Variants in LRMDA observed in about 807,000 individuals in gnomAD.
LRMDA encodes leucine rich melanocyte differentiation associated.
Under a neutral mutation model 29.8 loss-of-function variants are expected in LRMDA, and 18 were observed. That is an observed-to-expected ratio of 0.60 (90% CI 0.42 to 0.90). LRMDA has a LOEUF of 0.90. Among genes scored for constraint, LRMDA ranks in the 40% least tolerant of loss-of-function variants. The pLI is 0.00. For missense variants in LRMDA, 273 were observed against 273.9 expected (o/e 1.00, Z 0.02); for synonymous variants, 125 against 109.4 (o/e 1.14, Z -0.89).
chr10:76,228,706 A>T (rs1017383966), intron 5 of LRMDA, among the ~76,000 whole-genome samples: 6 of 152,174 alleles, frequency 3.9e-5, no homozygotes, highest in Non-Finnish European at 8.8e-5. Context: ...TCAAAAGGCC[A>T]ACCTACAATA....
chr10:76,045,488 TC>T (rs1197329183), intron 3 of LRMDA, among the ~76,000 whole-genome samples: 1 of 151,932 alleles, frequency 6.6e-6, no homozygotes, highest in East Asian at 1.9e-4. Context: ...CTAGTTTCCC[TC>T]TCTTGCTAGT....
At chr10:75,986,895 TATC>T (rs1188159417) in intron 2 of LRMDA, among the ~76,000 whole-genome samples, 1 of 152,032 alleles carries the variant, frequency 6.6e-6, no homozygotes, top group African/African-American at 2.4e-5. Context: ...ACTTTACTGG[TATC>T]ATCATCTACT....
chr10:76,353,363 A>T (rs948767857), intron 6 of LRMDA, among the ~76,000 whole-genome samples: 14 of 125,366 alleles, frequency 1.1e-4, no homozygotes, highest in East Asian at 8.1e-4. Context: ...TGTGTGTGTG[A>T]GATAGATTGA....
At chr10:76,517,829 A>G (rs1249409555) in intron 6 of LRMDA, among the ~76,000 whole-genome samples, 3 of 151,754 alleles carry the variant, frequency 2.0e-5, no homozygotes, top group African/African-American at 4.8e-5. Context: ...TAAGATATTA[A>G]TATAAGATTT....
intron 5 of LRMDA, among the ~76,000 whole-genome samples, chr10:76,126,368 A>G (rs1489940685): frequency 1.3e-5 from 2 of 152,138 alleles, no homozygotes; most frequent in Admixed American, 6.5e-5. Flanking sequence ...GCATATATCA[A>G]TCTTAGGGTT....
At chr10:76,116,800 A>G (rs2132119813) in intron 5 of LRMDA, among the ~76,000 whole-genome samples, 1 of 152,262 alleles carries the variant, frequency 6.6e-6, no homozygotes, top group African/African-American at 2.4e-5. Flanking sequence ...ATTGAGTTTC[A>G]TCTGGTGAGC....
chr10:75,832,670 C>T (rs780322259), intron 2 of LRMDA, among the ~76,000 whole-genome samples: 10 of 152,096 alleles, frequency 6.6e-5, no homozygotes, highest in Non-Finnish European at 1.3e-4. Flanking sequence ...GACTGGGCAA[C>T]GTACAAAAGA....
At chr10:75,909,312 T>G (rs1338991188) in intron 2 of LRMDA, among the ~76,000 whole-genome samples, 2 of 152,286 alleles carry the variant, frequency 1.3e-5, no homozygotes, top group East Asian at 3.9e-4. Flanking sequence ...AATGAAATCA[T>G]ATGTGGGATC....
At chr10:76,279,733 G>A (rs1274836089) in intron 5 of LRMDA, among the ~76,000 whole-genome samples, 1 of 151,966 alleles carries the variant, frequency 6.6e-6, no homozygotes, top group Admixed American at 6.6e-5. Context: ...TTTTAGTAGA[G>A]ACAGGGTTTC....
rs555053931 is a variant in LRMDA, at chr10:75,541,225, C to T, written c.131+102731C>T. On this transcript the variant is annotated intron_variant, in intron 2 of 6. Coordinates refer to ENST00000611255, the MANE Select transcript of LRMDA (RefSeq NM_001305581.2). The stretch of plus-strand genomic sequence containing the variant: ...ACTTTGTCCTCCATAAATTTGGAGC[C>T]GATTTGGAACTAGCTAGCTGTTTTT... Among the ~76,000 whole-genome samples the T allele has an allele frequency of 5.9e-5, 9 of 152,024 alleles. No homozygotes were observed. The East Asian group carries it at 7.7e-4, about 13-fold the overall frequency.
intron 2 of LRMDA, among the ~76,000 whole-genome samples, chr10:75,623,115 G>A (rs1041527756): frequency 3.3e-5 from 5 of 152,192 alleles, no homozygotes; most frequent in African/African-American, 1.2e-4. Flanking sequence ...TAATTGTAAA[G>A]CAAACAGTGA....
intron 2 of LRMDA, among the ~76,000 whole-genome samples, chr10:75,824,306 A>G (rs917616184): frequency 7.9e-5 from 12 of 152,202 alleles, no homozygotes; most frequent in Non-Finnish European, 1.8e-4. Flanking sequence ...CTATTGGGCA[A>G]TGCTGGTCTA....
chr10:76,009,472 T>C (rs1235493009), intron 2 of LRMDA, among the ~76,000 whole-genome samples: 1 of 152,074 alleles, frequency 6.6e-6, no homozygotes, highest in Non-Finnish European at 1.5e-5. Flanking sequence ...AAAAAAGAAG[T>C]GTTGGGATTT....
intron 2 of LRMDA, among the ~76,000 whole-genome samples, chr10:75,617,173 A>T (rs1841114657): frequency 6.6e-6 from 1 of 152,208 alleles, no homozygotes; most frequent in African/African-American, 2.4e-5. Flanking sequence ...ATGTGCATTT[A>T]GATATGAGGC....
At chr10:75,967,779 G>A (rs543354902) in intron 2 of LRMDA, among the ~76,000 whole-genome samples, 4 of 152,192 alleles carry the variant, frequency 2.6e-5, no homozygotes, top group East Asian at 3.9e-4. Flanking sequence ...GGGCAGGGGT[G>A]GGGGAGGAGC....
At chr10:76,194,772 G>C (rs1851304451) in intron 5 of LRMDA, among the ~76,000 whole-genome samples, 1 of 152,072 alleles carries the variant, frequency 6.6e-6, no homozygotes, top group South Asian at 2.1e-4. Flanking sequence ...ATCCAGAAAG[G>C]AGTTATATGA....
rs560938151 is a variant in LRMDA at position 76,444,736 on chromosome 10, G to A, written c.602-112473G>A. 5.3e-5 allele frequency among the ~76,000 whole-genome samples: 8 copies of A among 152,172 alleles called. No individual in the cohort carries two copies. In the East Asian group the frequency reaches 5.8e-4, roughly 11 times the overall value. On this transcript the variant is annotated intron_variant, in intron 6 of 6. Coordinates refer to ENST00000611255, the MANE Select transcript of LRMDA (RefSeq NM_001305581.2). ...AAGATGGTGAGTAATACTAAACAAAGGCCAAACTCTCTAAAATGCTTAGGC... is the reference window on the plus strand; with the variant it reads ...AAGATGGTGAGTAATACTAAACAAAAGCCAAACTCTCTAAAATGCTTAGGC...
At chr10:76,373,289 G>A (rs1589155641) in intron 6 of LRMDA, among the ~76,000 whole-genome samples, 1 of 152,040 alleles carries the variant, frequency 6.6e-6, no homozygotes, top group Non-Finnish European at 1.5e-5. Context: ...ATGAGTATCT[G>A]TTTTGGAAAT....
chr10:76,222,449 A>T (rs1166399560), intron 5 of LRMDA, among the ~76,000 whole-genome samples: 1 of 152,236 alleles, frequency 6.6e-6, no homozygotes, highest in Non-Finnish European at 1.5e-5. Context: ...CCCATCAAAA[A>T]GTGGGTGAAG....
Sources: gnomAD v4.1 joint callset for allele counts (sites outside exome capture counted in the v4.1 genomes callset) on GRCh38, gnomAD v4.1.1 for gene constraint, MANE v1.5 for transcripts, NCBI Gene and HGNC (gene_info 2026-07-23, HGNC 2026-07-21) for gene names.